Variants in MPP7 observed in about 807,000 individuals in gnomAD.
MPP7 encodes the protein MAGUK p55 scaffold protein 7.
A neutral mutation model predicts 76.5 loss-of-function variants in MPP7; 60 were observed. The ratio of observed to expected loss-of-function variants is 0.78; its 90% CI spans 0.64 to 0.97. MPP7 has a LOEUF of 0.97. Among genes scored for constraint, MPP7 ranks in the 50% least tolerant of loss-of-function variants. MPP7 has a pLI of 0.00. For synonymous variants in MPP7, 237 were observed against 244.5 expected (o/e 0.97, Z 0.29); for missense variants, 641 against 694.0 (o/e 0.92, Z 0.86).
chr10:28,108,579 C>CTGAGGTGGGAGGATGGTTTGAGG (rs1834399285), intron 11 of MPP7, among the ~76,000 whole-genome samples: 2 of 151,942 alleles, frequency 1.3e-5, no homozygotes, highest in Non-Finnish European at 2.9e-5. Context: ...ATGGTTTGAG[C>CTGAGGTGGGAGGATGGTTTGAGG]CTGGGAGGCG....
intron 2 of MPP7, among the ~76,000 whole-genome samples, chr10:28,313,623 C>T (rs1465636063): frequency 6.6e-6 from 1 of 152,092 alleles, no homozygotes; most frequent in Non-Finnish European, 1.5e-5. Flanking sequence ...AGGTTAATAT[C>T]CCCGCAGAGA....
chr10:28,126,334 T>A (rs1835016808), intron 6 of MPP7, among the ~76,000 whole-genome samples: 1 of 152,230 alleles, frequency 6.6e-6, no homozygotes, highest in Admixed American at 6.5e-5. Flanking sequence ...TGTAATATTC[T>A]CAATATAACT....
At chr10:28,313,885 T>C (rs1438191211) in intron 2 of MPP7, among the ~76,000 whole-genome samples, 2 of 127,844 alleles carry the variant, frequency 1.6e-5, no homozygotes, top group Non-Finnish European at 3.2e-5. Context: ...TATTTTTTTT[T>C]GGTAGAGACA....
At chr10:28,248,596 G>T (rs1013221295) in intron 1 of MPP7, among the ~76,000 whole-genome samples, 2 of 152,144 alleles carry the variant, frequency 1.3e-5, no homozygotes, top group Admixed American at 1.3e-4. Flanking sequence ...CACTCTTCTT[G>T]TCTAGAGTCT....
chr10:28,312,765 G>T (rs1841296811), intron 2 of MPP7, among the ~76,000 whole-genome samples: 1 of 152,134 alleles, frequency 6.6e-6, no homozygotes, highest in Non-Finnish European at 1.5e-5. Context: ...TCTCCCAAGG[G>T]AGCATCGCAA....
upstream of MPP7, among the ~76,000 whole-genome samples, chr10:28,334,978 G>A (rs948754665): frequency 2.0e-5 from 3 of 152,214 alleles, no homozygotes; most frequent in South Asian, 6.2e-4. Context: ...TTAGCTGAAA[G>A]TTTCTGTTTT....
At chr10:28,059,031 C>A (rs1306571125) in intron 14 of MPP7, among the ~76,000 whole-genome samples, 3 of 152,166 alleles carry the variant, frequency 2.0e-5, no homozygotes, top group Non-Finnish European at 4.4e-5. Flanking sequence ...CGATCATGTG[C>A]TATAAAAACA....
intron 3 of MPP7, among the ~76,000 whole-genome samples, chr10:28,182,368 T>C (rs936579442): frequency 5.3e-5 from 8 of 152,170 alleles, no homozygotes; most frequent in Middle Eastern, 3.2e-3. Context: ...GTCTAACAAT[T>C]CAAAATGCTG....
chr10:28,281,552 T>C (rs1840672285), intron 1 of MPP7, among the ~76,000 whole-genome samples: 1 of 152,104 alleles, frequency 6.6e-6, no homozygotes, highest in African/African-American at 2.4e-5. Flanking sequence ...ATCAGGTTAT[T>C]GACCAGATAG....
Position 28,227,206 on chromosome 10 carries a change from A to G in MPP7, c.37+11362T>C, listed in dbSNP as rs543429075. On this transcript the variant is annotated intron_variant, in intron 2 of 16. Coordinates refer to ENST00000683449, the MANE Select transcript of MPP7 (RefSeq NM_001318170.2). ...AGCTCTGTGTACAAGGAAGTACATT[A>G]CTCCCAAAAAGAAGGTTTTCCCAAA... Among the ~76,000 whole-genome samples the G allele has an allele frequency of 2.6e-5, 4 of 152,304 alleles. 1 individual carries two copies. The highest frequency in any genetic ancestry group is 2.6e-4 in the Admixed American group (4 of 15,302).
At chr10:28,069,893 A>C in intron 12 of MPP7, 41 bp from the exon 13 acceptor site, 2 of 1,447,598 alleles carry the variant, frequency 1.4e-6, no homozygotes, top group Non-Finnish European at 1.9e-6. Flanking sequence ...TGGACAAAAC[A>C]CCACATAAAC....
intron 1 of MPP7, among the ~76,000 whole-genome samples, chr10:28,300,057 A>G (rs563944602): frequency 2.0e-5 from 3 of 152,290 alleles, no homozygotes; most frequent in South Asian, 2.1e-4. Flanking sequence ...GTGAGCCACC[A>G]TGCCTGGCCA....
intron 3 of MPP7, among the ~76,000 whole-genome samples, chr10:28,164,668 ATT>A (rs71391014): frequency 0.75 from 113,106 of 151,212 alleles, 42,417 homozygotes; most frequent in Middle Eastern, 0.84. Flanking sequence ...ACATTATGAG[ATT>A]TTTTTTTTTC....
chr10:28,230,940 A>G (rs965301725), intron 2 of MPP7, among the ~76,000 whole-genome samples: 23 of 152,216 alleles, frequency 1.5e-4, no homozygotes, highest in African/African-American at 4.6e-4. Context: ...GCAACAAAAA[A>G]TCAATTAGAA....
intron 1 of MPP7, among the ~76,000 whole-genome samples, chr10:28,260,636 G>T (rs1839917600): frequency 6.6e-6 from 1 of 151,820 alleles, no homozygotes; most frequent in African/African-American, 2.4e-5. Flanking sequence ...GCCAGACATG[G>T]TGGCACATGC....
At chr10:28,143,415 ACT>A (rs1459465490) in intron 5 of MPP7, among the ~76,000 whole-genome samples, 4 of 152,192 alleles carry the variant, frequency 2.6e-5, no homozygotes, top group Non-Finnish European at 5.9e-5. Flanking sequence ...TTATCAAGTC[ACT>A]CTGCAAAAAG....
chr10:28,285,578 A>T (rs1840771784), intron 1 of MPP7, among the ~76,000 whole-genome samples: 1 of 152,236 alleles, frequency 6.6e-6, no homozygotes, highest in African/African-American at 2.4e-5. Flanking sequence ...CAGGAAAACA[A>T]TAAAAATATC....
chr10:28,184,628 A>G (rs1442536903), intron 3 of MPP7, among the ~76,000 whole-genome samples: 4 of 149,532 alleles, frequency 2.7e-5, no homozygotes, highest in Non-Finnish European at 5.9e-5. Context: ...GAATCACTTG[A>G]ACCTGGGAGG....
chr10:28,319,651 G>T (rs1424786928), intron 2 of MPP7, among the ~76,000 whole-genome samples: 8 of 151,684 alleles, frequency 5.3e-5, no homozygotes, highest in Admixed American at 3.3e-4. Flanking sequence ...TTCTGAGGGG[G>T]TATTTAAATG....
Sources: allele counts gnomAD v4.1 joint callset (sites outside exome capture counted in the v4.1 genomes callset), GRCh38; gene constraint gnomAD v4.1.1; transcripts MANE v1.5; gene names NCBI Gene and HGNC (gene_info 2026-07-23, HGNC 2026-07-21).